The following APOB variants were observed in gnomAD, a reference collection of about 807,000 sequenced individuals.
The protein encoded by APOB is apolipoprotein B.
APOB carries 153 observed loss-of-function variants against 314.1 expected under a neutral mutation model. The ratio of observed to expected loss-of-function variants is 0.49; its 90% confidence interval spans 0.43 to 0.56. The LOEUF is 0.56. APOB is among the 20% of genes least tolerant of loss of function. The probability of loss-of-function intolerance (pLI) is 0.00; values close to 1 mark genes in which losing one functional copy is unlikely to be tolerated. For synonymous variants in APOB, 2,087 were observed against 2,036.4 expected (o/e 1.02, Z -0.67); for missense variants, 5,430 against 5,350.7 (o/e 1.01, Z -0.46).
chr2:21,043,901 A>G lies in APOB; in HGVS notation c.45T>C (p.Pro15=), dbSNP rs1268247727. 2.1e-6 allele frequency: 3 copies of G among 1,423,164 alleles called. No individual in the cohort carries two copies. The highest frequency in any genetic ancestry group is 1.5e-5 in the African/African-American group (1 of 64,926). 88.2% of individuals were successfully genotyped at this position (1,423,164 alleles called of 1,614,324 possible). ...RPALLALLAL[P]ALLLLLLAGA... is the part of the protein sequence containing the mutation. Reference sequence around the variant, plus strand: ...CCGCCAGCAGCAGCAGCAGCAGCGCAGGCAGCGCCAGCAGCGCCAGCAGCG... The same window carrying G: ...CCGCCAGCAGCAGCAGCAGCAGCGCGGGCAGCGCCAGCAGCGCCAGCAGCG... Residue 15 remains proline, a synonymous_variant, in exon 1 of 29, where the codon CCT becomes CCC. Transcript: ENST00000233242.
Position 21,007,719 on chromosome 2 carries a change from G to A in APOB, c.9149C>T (p.Thr3050Ile), listed in dbSNP as rs766404863. 1 of 1,614,060 alleles carries A rather than the reference G, an allele frequency of 6.2e-7. No individual in the cohort carries two copies. Among genetic ancestry groups the A allele is most frequent in the Non-Finnish European group, 8.5e-7 (1 of 1,179,940 alleles). The change falls in exon 26 of 29, where the codon ACA (threonine) becomes ATA (isoleucine). Residue 3050 changes from threonine (T) to isoleucine (I), a missense_variant. This residue lies in a region of APOB where 3,281 missense variants were observed against 3,171.0 expected (regional missense o/e 1.03). Transcript: ENST00000233242. Reference sequence around the variant, plus strand: ...AACTTTCAAATTCCCTTCATTGTTTGTGGATGCCGTGATCTCAAATGGCTG... The same window carrying A: ...AACTTTCAAATTCCCTTCATTGTTTATGGATGCCGTGATCTCAAATGGCTG... ...SAQPFEITAS[T>I]NNEGNLKVRF...
chr2:21,041,468 C>T (rs966197486), intron 3 of APOB, among the ~76,000 whole-genome samples: 6 of 152,194 alleles, frequency 3.9e-5, no homozygotes, highest in Non-Finnish European at 7.3e-5. Context: ...GGCCATCCTT[C>T]GTTTCCACAG....
chr2:21,026,906 C>T lies in APOB; in HGVS notation c.2126G>A (p.Gly709Glu). 1.2e-6 allele frequency: 2 copies of T among 1,614,180 alleles called. No homozygotes were observed. The highest frequency in any genetic ancestry group is 1.7e-6 in the Non-Finnish European group (2 of 1,180,026). Residue 709 changes from glycine to glutamate, a missense_variant, in exon 15 of 29, where the codon GGA becomes GAA. Around this residue, in one of 3 missense-constraint regions of APOB, gnomAD observed 2,085 missense variants for 2,079.7 expected, o/e 1.00. Transcript: ENST00000233242. ...TTTGTTGACACTGTCTGGGAAAAAT[C>T]CTTGCTTCCCAAAAAGAGCTTCCAA... ...PTLEALFGKQ[G>E]FFPDSVNKAL...
chr2:21,030,541 G>A (rs1462382568), intron 10 of APOB, among the ~76,000 whole-genome samples: 1 of 152,132 alleles, frequency 6.6e-6, no homozygotes, highest in Non-Finnish European at 1.5e-5. Flanking sequence ...CATTGGCCTA[G>A]ACAAAGAATT....
intron 11 of APOB, 56 bp from the exon 12 acceptor site, chr2:21,029,841 G>T (rs1440426964): frequency 1.9e-6 from 3 of 1,611,772 alleles, no homozygotes; most frequent in Admixed American, 1.7e-5. Context: ...GGAAGTAAAA[G>T]GTGTCCAGGA....
rs372266128 is a variant in APOB, at chr2:21,013,553, T to C, written c.3843-20A>G. The stretch of plus-strand genomic sequence containing the variant: ...CCATCGCTGAAATGAACAACAAAGA[T>C]AACATCCCCACAGTCAGACATCAGT... On this transcript the variant is annotated intron_variant, in intron 24 of 28. Coordinates refer to ENST00000233242, the MANE Select transcript of APOB (RefSeq NM_000384.3). 6 of 1,613,716 alleles carry C rather than the reference T, an allele frequency of 3.7e-6. No homozygotes were observed. The highest frequency in any genetic ancestry group is 2.7e-5 in the African/African-American group (2 of 74,914).
Position 21,030,078 on chromosome 2 carries a change from A to G in APOB, c.1353-63T>C. 3 of 996,280 alleles carry G rather than the reference A, an allele frequency of 3.0e-6. No individual in the cohort carries two copies. The South Asian group carries it at 4.0e-5, about 13-fold the overall frequency. The allele number at this position is 996,280 out of a possible 1,614,324, so 61.7% of individuals were successfully genotyped here. A position where few individuals can be genotyped will look rare whatever the true frequency, so the allele number is the denominator to read the frequency against. On this transcript the variant is annotated intron_variant, in intron 10 of 28. Coordinates refer to ENST00000233242, the MANE Select transcript of APOB (RefSeq NM_000384.3). ...CCAGTTAGGTTTGTCTTAAAACCCA[A>G]ACTTGTGAATTAGAAAAAATAATTA...
chr2:21,007,135 T>C lies in APOB; in HGVS notation c.9733A>G (p.Thr3245Ala). 1 of 1,613,994 alleles carries C rather than the reference T, an allele frequency of 6.2e-7. No homozygotes were observed. The highest frequency in any genetic ancestry group is 2.2e-5 in the East Asian group (1 of 44,876). ...ACAGTGTATCCAGGAATTTGAAAGG[T>C]CCTGGGGAGCTCGTCGTGAGATTTT... The part of the protein sequence containing the change: ...AEKSHDELPR[T>A]FQIPGYTVPV... The change falls in exon 26 of 29, where the codon ACC becomes GCC. Residue 3245 changes from threonine (T) to alanine (A), a missense_variant. This residue lies in a region of APOB where 3,281 missense variants were observed against 3,171.0 expected (regional missense o/e 1.03). Transcript: ENST00000233242.
chr2:21,042,275 G>C, intron 3 of APOB, 86 bp downstream of exon 3: 1 of 962,782 alleles, frequency 1.0e-6, no homozygotes, highest in Non-Finnish European at 1.7e-6. Context: ...CACACCCTCC[G>C]GGAAGGTCGC....
intron 10 of APOB, among the ~76,000 whole-genome samples, chr2:21,031,766 C>T (rs927162230): frequency 1.3e-5 from 2 of 152,108 alleles, no homozygotes; most frequent in Admixed American, 6.5e-5. Flanking sequence ...GGGAGGATCA[C>T]TTCAGCCCAG....
chr2:21,042,536 A>T, intron 2 of APOB, 60 bp from the exon 3 acceptor site: 2 of 1,296,006 alleles, frequency 1.5e-6, no homozygotes, highest in Non-Finnish European at 2.2e-6. Context: ...AGGACAGCCA[A>T]TTCTGGGCAG....
At position 21,026,574 on chromosome 2, in the gene APOB, A is replaced by G. The variant is rs186828301; in HGVS notation, c.2244+214T>C. Among the ~76,000 whole-genome samples the G allele has an allele frequency of 4.0e-3, 602 of 152,228 alleles. 4 individuals are homozygous for G. Among genetic ancestry groups the G allele is most frequent in the African/African-American group, 0.014 (573 of 41,534 alleles). On this transcript the variant is annotated intron_variant, in intron 15 of 28. Transcript: ENST00000233242. ...AGAGTTCATACTCTTGTTATCCTAGAGTACTTATTGTGAGTCTGGTTTCTG... is the reference window on the plus strand; with the variant it reads ...AGAGTTCATACTCTTGTTATCCTAGGGTACTTATTGTGAGTCTGGTTTCTG...
At chr2:21,016,401 C>T (rs748748356) in intron 21 of APOB, 38 bp downstream of exon 21, 2 of 1,079,920 alleles carry the variant, frequency 1.9e-6, no homozygotes, top group Middle Eastern at 2.6e-4. Context: ...ACCACCCAGG[C>T]CTGCAGTGCA....
In APOB at chr2:21,009,419, G is replaced by A. The variant is rs1558563519; in HGVS notation, c.7449C>T (p.Ser2483=). 6.2e-7 allele frequency: 1 copy of A among 1,614,060 alleles called. No individual in the cohort carries two copies. The change falls in exon 26 of 29, where the codon AGC becomes AGT. Residue 2483 remains serine, a synonymous_variant. Transcript: ENST00000233242. ...TKATVAVYLE[S]LQDTKITLII... ...TTAAGGTTATTTTGGTGTCCTGTAG[G>A]CTTTCCAGATACACTGCAACTGTGG...
chr2:21,043,464 A>C (rs1035379217), intron 2 of APOB, 49 bp downstream of exon 2: 2 of 1,571,934 alleles, frequency 1.3e-6, no homozygotes, highest in African/African-American at 2.7e-5. Flanking sequence ...GGTGTAGGAG[A>C]GTGCACGGGG....
Position 21,011,875 on chromosome 2 carries a change from G to C in APOB, c.4993C>G (p.Leu1665Val). 1 of 1,613,950 alleles carries C rather than the reference G, an allele frequency of 6.2e-7. No individual in the cohort carries two copies. The highest frequency in any genetic ancestry group is 8.5e-7 in the Non-Finnish European group (1 of 1,180,014). The change falls in exon 26 of 29, where the codon CTG becomes GTG. Residue 1665 changes from leucine (L) to valine (V), a missense_variant. By Grantham distance (32) the Leu-to-Val change is conservative (BLOSUM62 1). Coordinates refer to ENST00000233242, the MANE Select transcript of APOB (RefSeq NM_000384.3). ...GCATTCAGCTCATTCTCCAGCACCA[G>C]GAGACTACACTTCAAGTTGGTCGTT... ...SATTNLKCSL[L>V]VLENELNAEL... is the part of the protein sequence containing the mutation.
At chr2:21,032,261 G>C in intron 10 of APOB, 93 bp downstream of exon 10, 1 of 1,154,440 alleles carries the variant, frequency 8.7e-7, no homozygotes, top group Non-Finnish European at 1.3e-6. Flanking sequence ...GAGTTTGAAA[G>C]TGGAAGGAGG....
rs149734450 is a variant in APOB, at chr2:21,008,501, G to A, written c.8367C>T (p.Ile2789=). ...CTCCTTTGGCAGTGATGGAAGCTGC[G>A]ATACCTGCTTCGTTTGCTGAGGTGG... ...NGTTSANEAG[I]AASITAKGES... is the part of the protein sequence containing the mutation. The change falls in exon 26 of 29, where the codon ATC becomes ATT. Residue 2789 remains isoleucine, a synonymous_variant. Transcript: ENST00000233242. The A allele has an allele frequency of 1.6e-5, 26 of 1,613,902 alleles. No individual in the cohort carries two copies. The highest frequency in any genetic ancestry group is 2.2e-5 in the South Asian group (2 of 91,082).
chr2:21,035,834 C>T, intron 6 of APOB, 126 bp from the exon 7 acceptor site: 2 of 1,001,588 alleles, frequency 2.0e-6, no homozygotes, highest in East Asian at 5.1e-5. Flanking sequence ...AAGAAGATAA[C>T]TGGGTACTTG....
Sources: allele counts gnomAD v4.1 joint callset (sites outside exome capture counted in the v4.1 genomes callset), GRCh38; gene constraint gnomAD v4.1.1; regional missense constraint gnomAD v4.1.1; transcripts MANE v1.5; gene names NCBI Gene and HGNC (gene_info 2026-07-23, HGNC 2026-07-21).